HOMER1: variants seen among roughly 807,000 people sequenced by gnomAD.
HOMER1 encodes the protein homer scaffold protein 1.
Under a neutral mutation model 48.9 loss-of-function variants are expected in HOMER1, and 3 were observed. That is an observed-to-expected ratio of 0.06 (90% CI 0.03 to 0.16). The LOEUF (loss-of-function observed/expected upper bound fraction) is 0.16, where lower values mean the gene tolerates loss of function less well. Among genes scored for constraint, HOMER1 ranks in the 10% least tolerant of loss-of-function variants. The probability of loss-of-function intolerance (pLI) is 1.00; values close to 1 mark genes in which losing one functional copy is unlikely to be tolerated. For synonymous variants in HOMER1, 134 were observed against 146.4 expected (o/e 0.92, Z 0.61); for missense variants, 247 against 411.4 (o/e 0.60, Z 3.46).
intron 1 of HOMER1, among the ~76,000 whole-genome samples, chr5:79,489,062 C>T (rs954686086): frequency 2.6e-5 from 4 of 152,022 alleles, no homozygotes; most frequent in Non-Finnish European, 4.4e-5. Context: ...GTGGGGAATA[C>T]ACAAAGAAGA....
intron 5 of HOMER1, among the ~76,000 whole-genome samples, chr5:79,420,860 T>G (rs1003486903): frequency 2.0e-5 from 3 of 152,212 alleles, no homozygotes; most frequent in African/African-American, 7.2e-5. Flanking sequence ...ATACATGATT[T>G]TGAACTAAGT....
intron 1 of HOMER1, among the ~76,000 whole-genome samples, chr5:79,478,463 C>A (rs905678594): frequency 6.6e-6 from 1 of 151,600 alleles, no homozygotes; most frequent in African/African-American, 2.4e-5. Flanking sequence ...CCGAGGCGGG[C>A]GGATTGCCTG....
rs147931288 is a variant in HOMER1, at chr5:79,465,050, G to T, written c.6-8032C>A. ...GAAGGATTTTTTTTTTTAATTGTAT[G>T]ATCTGGCCAGGCACAGTGGCTCACC... On this transcript the variant is annotated intron_variant, in intron 1 of 8. Transcript: ENST00000334082. Among the ~76,000 whole-genome samples the T allele has an allele frequency of 2.4e-3, 362 of 151,912 alleles. 4 individuals carry two copies. Among genetic ancestry groups the T allele is most frequent in the African/African-American group, 8.4e-3 (347 of 41,446 alleles).
rs140212090 is a variant in HOMER1, at chr5:79,495,211, A to G, written c.5+17559T>C. Among the ~76,000 whole-genome samples, 199 of 152,320 alleles carry G rather than the reference A, an allele frequency of 1.3e-3. 6 individuals carry two copies. The East Asian group carries it at 0.034, about 26-fold the overall frequency. ...GGAAGAGTACAATCCTCTTAACATG[A>G]CATAGTCATGATCTGGCCTCTATCC... On this transcript the variant is annotated intron_variant, in intron 1 of 8. Transcript: ENST00000334082.
At chr5:79,463,801 G>T (rs781250699) in intron 1 of HOMER1, among the ~76,000 whole-genome samples, 6 of 152,108 alleles carry the variant, frequency 3.9e-5, no homozygotes, top group Non-Finnish European at 8.8e-5. Flanking sequence ...AAGAATAACT[G>T]CATTGAGATG....
At chr5:79,462,071 T>C (rs1022177867) in intron 1 of HOMER1, among the ~76,000 whole-genome samples, 16 of 151,964 alleles carry the variant, frequency 1.1e-4, no homozygotes, top group African/African-American at 3.4e-4. Flanking sequence ...CGGTGTCGCA[T>C]GCCTATAATC....
chr5:79,419,612 C>T (rs1292468400), intron 5 of HOMER1, among the ~76,000 whole-genome samples: 1 of 151,662 alleles, frequency 6.6e-6, no homozygotes, highest in Non-Finnish European at 1.5e-5. Flanking sequence ...CTATATAGAT[C>T]TGGAAGCGTA....
intron 1 of HOMER1, among the ~76,000 whole-genome samples, chr5:79,498,263 G>A (rs1239597841): frequency 6.6e-6 from 1 of 152,200 alleles, no homozygotes; most frequent in African/African-American, 2.4e-5. Flanking sequence ...GCCGGGTGCG[G>A]TGGCACATGC....
chr5:79,502,785 T>G (rs1752631316), intron 1 of HOMER1, among the ~76,000 whole-genome samples: 1 of 152,178 alleles, frequency 6.6e-6, no homozygotes, highest in Non-Finnish European at 1.5e-5. Context: ...GTAAAAAATC[T>G]GCATGTAACT....
Position 79,396,844 on chromosome 5 carries a change from A to G in HOMER1, c.855T>C (p.Asp285=). ...DNARELQEQR[D]SLTQKLQEVE... Reference sequence around the variant, plus strand: ...TCACCTGTAGTTTCTGAGTCAAAGAATCCCTCTGTTCTTGTAGTTCTCTGG... The same window carrying G: ...TCACCTGTAGTTTCTGAGTCAAAGAGTCCCTCTGTTCTTGTAGTTCTCTGG... The change falls in exon 8 of 9, where the codon GAT becomes GAC. Residue 285 remains aspartate (D), a synonymous_variant. Transcript: ENST00000334082. The G allele has an allele frequency of 6.2e-7, 1 of 1,601,724 alleles. No individual in the cohort carries two copies. Among genetic ancestry groups the G allele is most frequent in the Non-Finnish European group, 8.5e-7 (1 of 1,170,528 alleles).
chr5:79,386,650 C>T (rs67994113), intron 8 of HOMER1, among the ~76,000 whole-genome samples: 32,233 of 151,960 alleles, frequency 0.21, 4,506 homozygotes, highest in East Asian at 0.45. Context: ...CAGATAAGTA[C>T]TCAAGGAGCT....
chr5:79,504,835 T>G (rs748914172), intron 1 of HOMER1, among the ~76,000 whole-genome samples: 2 of 152,214 alleles, frequency 1.3e-5, no homozygotes, highest in Non-Finnish European at 2.9e-5. Context: ...AATCAGGATT[T>G]TCTATTTATG....
intron 6 of HOMER1, chr5:79,397,933 C>CTTTTT (rs942746525): frequency 1.6e-5 from 3 of 190,430 alleles, no homozygotes; most frequent in African/African-American, 2.3e-5. Context: ...AAAATTTCTT[C>CTTTTT]CAAAAACATA....
At chr5:79,441,670 G>A (rs1417026995) in intron 4 of HOMER1, among the ~76,000 whole-genome samples, 3 of 151,772 alleles carry the variant, frequency 2.0e-5, no homozygotes, top group Admixed American at 6.6e-5. Context: ...TGAACCGATC[G>A]AGAACTTGGG....
At chr5:79,391,153 T>G (rs543497932) in intron 8 of HOMER1, among the ~76,000 whole-genome samples, 2 of 151,240 alleles carry the variant, frequency 1.3e-5, no homozygotes, top group South Asian at 2.1e-4. Context: ...TTTTTTTTTT[T>G]TTTGAGATAG....
chr5:79,382,886 A>G (rs1056928120), intron 8 of HOMER1, among the ~76,000 whole-genome samples: 3 of 152,236 alleles, frequency 2.0e-5, no homozygotes, highest in African/African-American at 4.8e-5. Flanking sequence ...TCAAATATCA[A>G]TAGTAACCTA....
intron 7 of HOMER1, 50 bp from the exon 8 acceptor site, chr5:79,396,953 G>T: frequency 1.0e-6 from 1 of 1,000,038 alleles, no homozygotes. Flanking sequence ...TCAAGGCAAG[G>T]GAAGGTCTTG....
intron 5 of HOMER1, among the ~76,000 whole-genome samples, chr5:79,430,489 C>G (rs1156362799): frequency 6.6e-6 from 1 of 152,178 alleles, no homozygotes; most frequent in African/African-American, 2.4e-5. Flanking sequence ...TACCACATAA[C>G]CTAGTGATTC....
chr5:79,502,872 G>A (rs1580044167), intron 1 of HOMER1, among the ~76,000 whole-genome samples: 2 of 152,144 alleles, frequency 1.3e-5, no homozygotes, highest in Admixed American at 6.5e-5. Context: ...CTCACTGCAA[G>A]CTCCGCCTCC....
Sources: gnomAD v4.1 joint callset for allele counts (sites outside exome capture counted in the v4.1 genomes callset) on GRCh38, gnomAD v4.1.1 for gene constraint, MANE v1.5 for transcripts, NCBI Gene and HGNC (gene_info 2026-07-23, HGNC 2026-07-21) for gene names.